The following CHD5 variants were observed in gnomAD, a reference collection of about 807,000 sequenced individuals.
CHD5 encodes the protein ATP-dependent chromatin remodeler CHD5.
In CHD5, 69 loss-of-function variants were observed where a neutral mutation model predicts 230.3. The ratio of observed to expected loss-of-function variants is 0.30; its 90% CI spans 0.25 to 0.37. The LOEUF (loss-of-function observed/expected upper bound fraction) is 0.37, where lower values mean the gene tolerates loss of function less well. CHD5 is among the 10% of genes least tolerant of loss of function. CHD5 has a pLI of 1.00. For missense variants in CHD5, 1,827 were observed against 2,622.8 expected (o/e 0.70, Z 6.63); for synonymous variants, 1,064 against 1,065.9 (o/e 1.00, Z 0.03).
At chr1:6,171,884 G>T (rs1050715869) in intron 1 of CHD5, among the ~76,000 whole-genome samples, 20 of 152,224 alleles carry the variant, frequency 1.3e-4, no homozygotes, top group Non-Finnish European at 2.5e-4. Context: ...CACCCTCCTG[G>T]CCCACCTGGC....
At chr1:6,177,771 G>A (rs1041130517) in intron 1 of CHD5, among the ~76,000 whole-genome samples, 11 of 152,222 alleles carry the variant, frequency 7.2e-5, no homozygotes, top group African/African-American at 2.7e-4. Flanking sequence ...TCAGGCAGAG[G>A]TCACAGCCAG....
intron 31 of CHD5, among the ~76,000 whole-genome samples, chr1:6,122,195 C>T (rs1217582324): frequency 6.6e-6 from 1 of 152,232 alleles, no homozygotes; most frequent in South Asian, 2.1e-4. Flanking sequence ...TCACCCATCA[C>T]CATGGGATAG....
chr1:6,149,151 C>A lies in CHD5; in HGVS notation c.1162-76G>T, dbSNP rs1051732888. On this transcript the variant is annotated intron_variant, in intron 8 of 41. Coordinates refer to ENST00000262450, the MANE Select transcript of CHD5 (RefSeq NM_015557.3). ...CAGGCCCGACTCCCTCCCTCCCCTA[C>A]AGCATCTCCCCGCATTCTGCCCCCA... 4 of 1,469,346 alleles carry A rather than the reference C, an allele frequency of 2.7e-6. No individual in the cohort carries two copies. In the Admixed American group the frequency reaches 9.7e-5, roughly 36 times the overall value. 91.0% of individuals were successfully genotyped at this position (1,469,346 alleles called of 1,614,324 possible).
At chr1:6,160,453 G>A (rs1310147078) in intron 2 of CHD5, among the ~76,000 whole-genome samples, 1 of 145,868 alleles carries the variant, frequency 6.9e-6, no homozygotes, top group Non-Finnish European at 1.5e-5. Context: ...CCAGGGAAGG[G>A]CCCCAGCCAG....
intron 38 of CHD5, among the ~76,000 whole-genome samples, chr1:6,107,205 G>A (rs1666194652): frequency 6.9e-6 from 1 of 145,716 alleles, no homozygotes; most frequent in Non-Finnish European, 1.5e-5. Flanking sequence ...GAGGGATGGA[G>A]GGATGATGGA....
intron 11 of CHD5, among the ~76,000 whole-genome samples, chr1:6,145,035 T>C (rs1220312155): frequency 6.6e-6 from 1 of 152,178 alleles, no homozygotes; most frequent in Admixed American, 6.5e-5. Context: ...TAGAAAACCA[T>C]GGGCCAATTC....
In CHD5 at chr1:6,125,884, C is replaced by T. The variant is rs372821309; in HGVS notation, c.4079-26G>A. 2.2e-5 allele frequency: 34 copies of T among 1,564,992 alleles called. 1 individual carries two copies. In the Middle Eastern group the frequency reaches 1.8e-3, roughly 84 times the overall value. On this transcript the variant is annotated intron_variant, in intron 26 of 41. Coordinates refer to ENST00000262450, the MANE Select transcript of CHD5 (RefSeq NM_015557.3). The surrounding 1 kb of genome is among the most constrained non-coding windows in gnomAD (Gnocchi z 6.7). ...CTGCAGGGGGCCAGACAGAGGGGCA[C>T]GGAGTGAGCTGTACAAGCAAAGCCC... is the stretch of plus-strand genomic sequence containing the variant.
At chr1:6,112,427 G>A (rs1293466278) in intron 34 of CHD5, 150 bp from the exon 35 acceptor site, 1 of 969,030 alleles carries the variant, frequency 1.0e-6, no homozygotes, top group Non-Finnish European at 1.6e-6. Context: ...TCTTAAACAA[G>A]CCAACGGCCT....
chr1:6,110,443 T>C lies in CHD5; in HGVS notation c.5333A>G (p.Lys1778Arg). The C allele has an allele frequency of 6.2e-7, 1 of 1,614,070 alleles. No homozygotes were observed. Among genetic ancestry groups the C allele is most frequent in the South Asian group, 1.1e-5 (1 of 91,086 alleles). Reference protein sequence around the residue: ...LNEPFKSEVHKGNYLEMKNKF... With the variant: ...LNEPFKSEVHRGNYLEMKNKF... ...GTTCTTCATCTCCAGGTAGTTGCCCTTGTGGACCTCAGACTTGAAGGGCTC... is the reference window on the plus strand; with the variant it reads ...GTTCTTCATCTCCAGGTAGTTGCCCCTGTGGACCTCAGACTTGAAGGGCTC... Residue 1778 changes from lysine to arginine, a missense_variant, in exon 37 of 42, where the codon AAG (lysine) becomes AGG (arginine). Physicochemically the swap from Lys to Arg is conservative, Grantham distance 26. Around this residue, in one of 14 missense-constraint regions of CHD5, gnomAD observed 208 missense variants for 302.0 expected, o/e 0.69. Transcript: ENST00000262450.
chr1:6,168,254 C>T lies in CHD5; in HGVS notation c.103G>A (p.Ala35Thr), dbSNP rs1328306817. 1.2e-6 allele frequency: 2 copies of T among 1,605,772 alleles called. No homozygotes were observed. The highest frequency in any genetic ancestry group is 8.5e-7 in the Non-Finnish European group (1 of 1,173,786). Residue 35 changes from alanine (A) to threonine (T), a missense_variant, in exon 2 of 42, where the codon GCC becomes ACC. Physicochemically the swap from Ala to Thr is moderately conservative, Grantham distance 58. Coordinates refer to ENST00000262450, the MANE Select transcript of CHD5 (RefSeq NM_015557.3). ...MSEEEDGGLE[A>T]FDDFFPVEPV... ...TCCACAGGGAAAAAGTCATCGAAGG[C>T]TTCAAGACCACCATCTTCTTCTTCT...
Position 6,168,064 on chromosome 1 carries a change from G to A in CHD5, c.207+86C>T. Reference sequence around the variant, plus strand: ...AGAAACCCTCAAACTCCAAGGTCCAGGGACCCCAGCCCTCCTCTGCGGCCG... The same window carrying A: ...AGAAACCCTCAAACTCCAAGGTCCAAGGACCCCAGCCCTCCTCTGCGGCCG... On this transcript the variant is annotated intron_variant, in intron 2 of 41. Coordinates refer to ENST00000262450, the MANE Select transcript of CHD5 (RefSeq NM_015557.3). 6 of 1,472,926 alleles carry A rather than the reference G, an allele frequency of 4.1e-6. No individual in the cohort carries two copies. In the South Asian group the frequency reaches 5.6e-5, roughly 14 times the overall value. The allele number at this position is 1,472,926 out of a possible 1,614,324, so 91.2% of individuals were successfully genotyped here.
rs1040863857 is a variant in CHD5, at chr1:6,125,298, G to C, written c.4261-65C>G. On this transcript the variant is annotated intron_variant, in intron 28 of 41. Transcript: ENST00000262450. The surrounding 1 kb of genome is among the most constrained non-coding windows in gnomAD (Gnocchi z 6.7). ...GAGGGGTGGGGGTGGAGGATTCTGG[G>C]ATGGGGGAAGAAAAGCATGGGAGGA... 2.0e-6 allele frequency: 3 copies of C among 1,488,672 alleles called. No homozygotes were observed. Among genetic ancestry groups the C allele is most frequent in the South Asian group, 2.5e-5 (2 of 81,212 alleles). The allele number at this position is 1,488,672 out of a possible 1,614,324, so 92.2% of individuals were successfully genotyped here.
chr1:6,109,240 A>G (rs1306917330), intron 38 of CHD5, among the ~76,000 whole-genome samples: 2 of 152,078 alleles, frequency 1.3e-5, no homozygotes, highest in Non-Finnish European at 2.9e-5. Flanking sequence ...GGATCAGAGT[A>G]CACCAGGGAG....
chr1:6,111,954 C>A, intron 35 of CHD5, 71 bp from the exon 36 acceptor site: 4 of 1,458,110 alleles, frequency 2.7e-6, no homozygotes, highest in Non-Finnish European at 3.8e-6. Context: ...CTTGGAGAGC[C>A]GCTCCCTCCC....
chr1:6,127,878 G>T (rs1666586220), intron 25 of CHD5, among the ~76,000 whole-genome samples, 168 bp downstream of exon 25: 1 of 152,050 alleles, frequency 6.6e-6, no homozygotes, highest in African/African-American at 2.4e-5. Flanking sequence ...ACGCTGGAGT[G>T]CGGGGCACAG....
At chr1:6,107,548 T>TGATG (rs1454426903) in intron 38 of CHD5, among the ~76,000 whole-genome samples, 1 of 112,480 alleles carries the variant, frequency 8.9e-6, no homozygotes, top group Non-Finnish European at 1.8e-5. Context: ...GATGGAGGGA[T>TGATG]AATGAAGGGA....
At chr1:6,144,247 C>T in intron 11 of CHD5, 92 bp from the exon 12 acceptor site, 1 of 1,549,054 alleles carries the variant, frequency 6.5e-7, no homozygotes, top group South Asian at 1.2e-5. Flanking sequence ...GAGCCATTCA[C>T]ACCCAGGGTC....
At chr1:6,174,043 T>A (rs1667380842) in intron 1 of CHD5, among the ~76,000 whole-genome samples, 2 of 147,668 alleles carry the variant, frequency 1.4e-5, no homozygotes, top group African/African-American at 2.5e-5. Flanking sequence ...CTGGGGGGAG[T>A]CACCCTGGGG....
At chr1:6,166,384 C>A (rs1667255135) in intron 2 of CHD5, among the ~76,000 whole-genome samples, 1 of 151,812 alleles carries the variant, frequency 6.6e-6, no homozygotes, top group African/African-American at 2.4e-5. Context: ...CCAGGAGAGC[C>A]CAGGGCTGCA....
Sources: allele counts gnomAD v4.1 joint callset (sites outside exome capture counted in the v4.1 genomes callset), GRCh38; gene constraint gnomAD v4.1.1; regional missense constraint gnomAD v4.1.1; non-coding constraint Gnocchi (gnomAD v3.1); transcripts MANE v1.5; gene names NCBI Gene and HGNC (gene_info 2026-07-23, HGNC 2026-07-21).